The following SBF2 variants were observed in gnomAD, a reference collection of about 807,000 sequenced individuals.
The protein encoded by SBF2 is SET binding factor 2.
Under a neutral mutation model 225.2 loss-of-function variants are expected in SBF2, and 112 were observed. The ratio of observed to expected loss-of-function variants is 0.50; its 90% CI spans 0.43 to 0.58. SBF2 has a LOEUF of 0.58. SBF2 is among the 20% of genes least tolerant of loss of function. The probability of loss-of-function intolerance (pLI) is 0.00; values close to 1 mark genes in which losing one functional copy is unlikely to be tolerated. For synonymous variants in SBF2, 763 were observed against 773.3 expected, an observed-to-expected ratio of 0.99 and a Z score of 0.22; for missense variants, 1,996 against 2,206.2, an observed-to-expected ratio of 0.90 and a Z score of 1.91.
At chr11:10,125,978 T>C (rs144396429) in intron 2 of SBF2, among the ~76,000 whole-genome samples, 72 of 152,310 alleles carry the variant, frequency 4.7e-4, no homozygotes, top group African/African-American at 1.5e-3. Flanking sequence ...GATCTTCTCA[T>C]TGCATCATAT....
At chr11:9,961,826 A>C in intron 16 of SBF2, 131 bp downstream of exon 16, 8 of 682,090 alleles carry the variant, frequency 1.2e-5, no homozygotes, top group South Asian at 2.3e-5. Context: ...CAGAAATGAT[A>C]GAGATACTGA....
At chr11:10,293,493 T>C (rs961824460) in intron 1 of SBF2, among the ~76,000 whole-genome samples, 1 of 152,220 alleles carries the variant, frequency 6.6e-6, no homozygotes, top group African/African-American at 2.4e-5. Context: ...CCTTCCCTGG[T>C]ACCACGCGTT....
chr11:10,289,418 G>A (rs955425704), intron 1 of SBF2, among the ~76,000 whole-genome samples: 72 of 152,252 alleles, frequency 4.7e-4, no homozygotes, highest in African/African-American at 1.6e-3. Flanking sequence ...AGCCAGGTCC[G>A]TGGAGTGTGC....
chr11:10,266,798 C>G (rs938515443), intron 1 of SBF2, among the ~76,000 whole-genome samples: 2 of 152,158 alleles, frequency 1.3e-5, no homozygotes, highest in Non-Finnish European at 2.9e-5. Flanking sequence ...GGCCTTTAAA[C>G]GGAAGAGGGT....
intron 2 of SBF2, chr11:10,149,439 T>G (rs148490699): frequency 6.6e-6 from 1 of 152,346 alleles, no homozygotes; most frequent in East Asian, 1.9e-4. Context: ...TTTCCTAAAC[T>G]CATCTCTTCC....
intron 3 of SBF2, among the ~76,000 whole-genome samples, chr11:10,033,916 C>A (rs930681593): frequency 6.6e-6 from 1 of 152,040 alleles, no homozygotes; most frequent in Non-Finnish European, 1.5e-5. Context: ...ATGTGAAAAA[C>A]TTAAAAATAA....
At position 9,808,627 on chromosome 11, in the gene SBF2, G is replaced by A. The variant is rs964753135; in HGVS notation, c.4257+274C>T. ...ACAAAACCCAGGAAGGATGGTCCAC[G>A]CCTCACACTGCTGGTCAAGGGCTCC... On this transcript the variant is annotated intron_variant, in intron 31 of 39. Coordinates refer to ENST00000256190, the MANE Select transcript of SBF2 (RefSeq NM_030962.4). 28 of 424,804 alleles carry A rather than the reference G, an allele frequency of 6.6e-5. No individual in the cohort carries two copies. The East Asian group carries it at 1.2e-3, about 19-fold the overall frequency. 26.3% of individuals were successfully genotyped at this position (424,804 alleles called of 1,614,324 possible).
At chr11:9,931,050 G>A (rs1453591904) in intron 16 of SBF2, among the ~76,000 whole-genome samples, 1 of 152,256 alleles carries the variant, frequency 6.6e-6, no homozygotes, top group African/African-American at 2.4e-5. Flanking sequence ...CTGGCTGGGG[G>A]AGGGGCATCT....
intron 2 of SBF2, among the ~76,000 whole-genome samples, chr11:10,108,439 G>A (rs1171477460): frequency 6.6e-6 from 1 of 150,926 alleles, no homozygotes. Flanking sequence ...ATCCAGGGCA[G>A]TTTGGGTGCT....
At chr11:9,957,101 G>A (rs1038092671) in intron 16 of SBF2, 2 of 152,126 alleles carry the variant, frequency 1.3e-5, no homozygotes, top group Non-Finnish European at 2.9e-5. Flanking sequence ...TATTCCCTCT[G>A]TCAGTAACAT....
chr11:10,052,289 A>G (rs748566633), intron 2 of SBF2, among the ~76,000 whole-genome samples: 13 of 152,144 alleles, frequency 8.5e-5, no homozygotes, highest in Non-Finnish European at 1.3e-4. Flanking sequence ...ATGGCAAAAC[A>G]TACCACATAA....
chr11:10,261,071 A>G (rs965689998), intron 1 of SBF2, among the ~76,000 whole-genome samples: 4 of 152,246 alleles, frequency 2.6e-5, no homozygotes, highest in Admixed American at 1.3e-4. Flanking sequence ...AACATCATTA[A>G]TCAGCAGAGA....
chr11:10,146,127 T>C (rs868783568), intron 2 of SBF2, among the ~76,000 whole-genome samples: 14 of 152,204 alleles, frequency 9.2e-5, no homozygotes, highest in Middle Eastern at 3.2e-3. Flanking sequence ...AGTATCAATA[T>C]TGTTAAAATG....
At chr11:9,787,581 T>C (rs1002655451) in intron 36 of SBF2, 53 bp downstream of exon 36, 1 of 1,496,182 alleles carries the variant, frequency 6.7e-7, no homozygotes, top group Non-Finnish European at 9.3e-7. Flanking sequence ...TCCACCTGAC[T>C]TAGCACCCTC....
intron 6 of SBF2, among the ~76,000 whole-genome samples, chr11:10,020,432 AC>A (rs1948807425): frequency 6.6e-6 from 1 of 152,120 alleles, no homozygotes; most frequent in Non-Finnish European, 1.5e-5. Context: ...GAGAAATGCA[AC>A]CACCCAGAAG....
At chr11:10,008,275 G>A (rs1237266881) in intron 6 of SBF2, among the ~76,000 whole-genome samples, 1 of 152,152 alleles carries the variant, frequency 6.6e-6, no homozygotes, top group Admixed American at 6.5e-5. Context: ...TCACAGAGAG[G>A]CTACAAGAGG....
At chr11:10,026,176 C>A (rs1263274729) in intron 6 of SBF2, among the ~76,000 whole-genome samples, 1 of 152,096 alleles carries the variant, frequency 6.6e-6, no homozygotes, top group Admixed American at 6.5e-5. Flanking sequence ...CTCCTCCCCC[C>A]TCACAACTCA....
chr11:10,182,364 A>G (rs1231062362), intron 2 of SBF2, among the ~76,000 whole-genome samples: 2 of 152,216 alleles, frequency 1.3e-5, no homozygotes, highest in Non-Finnish European at 2.9e-5. Context: ...CAAATTATGT[A>G]TTTAAATATA....
At chr11:10,151,833 A>G (rs1444278012) in intron 2 of SBF2, among the ~76,000 whole-genome samples, 3 of 152,226 alleles carry the variant, frequency 2.0e-5, no homozygotes, top group African/African-American at 7.2e-5. Flanking sequence ...GTCACTATGC[A>G]TATGATTCCT....
Sources: allele counts gnomAD v4.1 joint callset (sites outside exome capture counted in the v4.1 genomes callset), GRCh38; gene constraint gnomAD v4.1.1; transcripts MANE v1.5; gene names NCBI Gene and HGNC (gene_info 2026-07-23, HGNC 2026-07-21).